The following SLC14A2 variants were observed in gnomAD, a reference collection of about 807,000 sequenced individuals.
The protein encoded by SLC14A2 is urea transporter 2.
In SLC14A2, 91 loss-of-function variants were observed where a neutral mutation model predicts 104.6. The observed-to-expected ratio is 0.87, with a 90% CI of 0.73 to 1.04. The LOEUF is 1.04. SLC14A2 is among the 50% of genes least tolerant of loss of function. SLC14A2 has a pLI of 0.00. For missense variants in SLC14A2, 1,189 were observed against 1,156.0 expected (o/e 1.03, Z -0.41); for synonymous variants, 476 against 466.4 (o/e 1.02, Z -0.27).
chr18:45,682,867 G>C lies in SLC14A2; in HGVS notation c.*348G>C. On this transcript the variant is annotated 3_prime_UTR_variant, in exon 20 of 20. Coordinates refer to ENST00000255226, the MANE Select transcript of SLC14A2 (RefSeq NM_007163.4). ...CCCAGCACTTTGGGAGGCCGAGGCG[G>C]GTGGATCACGAGGTCAGGAGATCGA... The C allele has an allele frequency of 4.0e-6, 1 of 250,334 alleles. No homozygotes were observed. Among genetic ancestry groups the C allele is most frequent in the Non-Finnish European group, 8.0e-6 (1 of 124,788 alleles). The allele number at this position is 250,334 out of a possible 1,614,324, so 15.5% of individuals were successfully genotyped here.
At chr18:45,649,015 C>CA (rs565659003) in intron 10 of SLC14A2, among the ~76,000 whole-genome samples, 1 of 151,916 alleles carries the variant, frequency 6.6e-6, no homozygotes, top group African/African-American at 2.4e-5. Context: ...ACTAAAAATA[C>CA]AAAAAAATTG....
intron 1 of SLC14A2, among the ~76,000 whole-genome samples, chr18:45,228,624 G>T (rs964485947): frequency 6.6e-6 from 1 of 152,074 alleles, no homozygotes; most frequent in Non-Finnish European, 1.5e-5. Flanking sequence ...TCTTAGTTAG[G>T]GGGTGGAAAG....
At chr18:45,259,949 T>C (rs2084518744) in intron 1 of SLC14A2, among the ~76,000 whole-genome samples, 3 of 152,146 alleles carry the variant, frequency 2.0e-5, no homozygotes, top group Admixed American at 1.3e-4. Flanking sequence ...TTCTCAGATA[T>C]GGTGCTAATG....
intron 1 of SLC14A2, among the ~76,000 whole-genome samples, chr18:45,225,669 GAGC>G (rs1402000112): frequency 2.6e-4 from 40 of 152,214 alleles, no homozygotes; most frequent in African/African-American, 8.7e-4. Context: ...TTATTTCGTT[GAGC>G]AGTGGTTTGT....
chr18:45,352,878 A>T (rs1022718406), intron 1 of SLC14A2, among the ~76,000 whole-genome samples: 12 of 152,218 alleles, frequency 7.9e-5, no homozygotes, highest in Non-Finnish European at 1.8e-4. Context: ...AGGAAACAGC[A>T]TCCCCCAGAA....
intron 2 of SLC14A2, among the ~76,000 whole-genome samples, chr18:45,588,964 G>A (rs1202939750): frequency 3.8e-5 from 2 of 52,372 alleles, no homozygotes; most frequent in Non-Finnish European, 8.7e-5. Flanking sequence ...TTTTGTTTGG[G>A]GTTGGTGGGT....
intron 1 of SLC14A2, among the ~76,000 whole-genome samples, chr18:45,482,825 G>C (rs2087521369): frequency 6.6e-6 from 1 of 152,166 alleles, no homozygotes; most frequent in Non-Finnish European, 1.5e-5. Flanking sequence ...AGAACACAAG[G>C]GGGTGGGGAT....
chr18:45,399,577 T>C (rs1412742556), intron 1 of SLC14A2, among the ~76,000 whole-genome samples: 1 of 152,198 alleles, frequency 6.6e-6, no homozygotes, highest in African/African-American at 2.4e-5. Flanking sequence ...CCTGGGAAAT[T>C]TCCTGGTAGT....
rs759135695 is a variant in SLC14A2 at position 45,353,059 on chromosome 18, C to T, written c.-124-130174C>T. Among the ~76,000 whole-genome samples, 13 of 152,286 alleles carry T rather than the reference C, an allele frequency of 8.5e-5. 1 individual carries two copies. The South Asian group carries it at 1.7e-3, about 19-fold the overall frequency. ...TACAGTCTGAACACTCAGCAGTCTA[C>T]GAGTGGTTGAAGTGTGGCTGCTGGG... is the stretch of plus-strand genomic sequence containing the variant. On this transcript the variant is annotated intron_variant, in intron 1 of 20. Transcript: ENST00000586448.
intron 2 of SLC14A2, among the ~76,000 whole-genome samples, chr18:45,546,401 C>T (rs528169755): frequency 7.2e-5 from 11 of 152,276 alleles, no homozygotes; most frequent in African/African-American, 2.2e-4. Context: ...TGCTGAATTC[C>T]GTGTGGAACT....
At chr18:45,334,505 A>C (rs1368225637) in intron 1 of SLC14A2, among the ~76,000 whole-genome samples, 2 of 152,100 alleles carry the variant, frequency 1.3e-5, no homozygotes, top group Non-Finnish European at 2.9e-5. Context: ...TAAGAAAGAA[A>C]GTTCTTAAGC....
chr18:45,347,861 C>T (rs1411764787), intron 1 of SLC14A2, among the ~76,000 whole-genome samples: 2 of 152,210 alleles, frequency 1.3e-5, no homozygotes, highest in Admixed American at 6.5e-5. Flanking sequence ...TTAGTGCTTA[C>T]ACCTCTATGT....
intron 2 of SLC14A2, among the ~76,000 whole-genome samples, chr18:45,603,041 CT>C (rs112733488): frequency 6.6e-6 from 1 of 152,022 alleles, no homozygotes; most frequent in Non-Finnish European, 1.5e-5. Context: ...AACAATTTTG[CT>C]TTTTTTTCAC....
intron 2 of SLC14A2, among the ~76,000 whole-genome samples, chr18:45,523,877 G>A (rs949619881): frequency 2.0e-5 from 3 of 152,236 alleles, no homozygotes; most frequent in Admixed American, 2.0e-4. Flanking sequence ...GCCTTTTACT[G>A]TTTAACCCTC....
chr18:45,433,364 C>T (rs955121999), intron 1 of SLC14A2, among the ~76,000 whole-genome samples: 3 of 152,314 alleles, frequency 2.0e-5, no homozygotes, highest in African/African-American at 2.4e-5. Context: ...AGCTTGCCTA[C>T]GTCCACTCTT....
At chr18:45,488,477 A>G (rs2087656303) in intron 2 of SLC14A2, among the ~76,000 whole-genome samples, 1 of 152,210 alleles carries the variant, frequency 6.6e-6, no homozygotes, top group Admixed American at 6.5e-5. Context: ...ATGGTCAGCC[A>G]TGGAAGTGGC....
intron 1 of SLC14A2, among the ~76,000 whole-genome samples, chr18:45,474,426 T>C (rs1478020709): frequency 6.6e-6 from 1 of 152,230 alleles, no homozygotes; most frequent in African/African-American, 2.4e-5. Flanking sequence ...CTTTTCCTAC[T>C]GTTTGGAATA....
At chr18:45,425,306 C>G (rs1453279882) in intron 1 of SLC14A2, among the ~76,000 whole-genome samples, 1 of 152,194 alleles carries the variant, frequency 6.6e-6, no homozygotes, top group Non-Finnish European at 1.5e-5. Context: ...ATTGTTAATT[C>G]TACATGGCAT....
chr18:45,320,510 C>T lies in SLC14A2; in HGVS notation c.-125+107319C>T, dbSNP rs192410759. On this transcript the variant is annotated intron_variant, in intron 1 of 20. Coordinates refer to the SLC14A2 transcript ENST00000586448. ...TCATGATGGTCTTTTTTGGCAAGAACGTCTTCTTGCTTTCCTGTAAATCGC... is the reference window on the plus strand; with the variant it reads ...TCATGATGGTCTTTTTTGGCAAGAATGTCTTCTTGCTTTCCTGTAAATCGC... Among the ~76,000 whole-genome samples the T allele has an allele frequency of 7.6e-4, 116 of 152,204 alleles. 1 individual carries two copies. The highest frequency in any genetic ancestry group is 1.4e-3 in the East Asian group (7 of 5,168).
Sources: gnomAD v4.1 joint callset for allele counts (sites outside exome capture counted in the v4.1 genomes callset) on GRCh38, gnomAD v4.1.1 for gene constraint, MANE v1.5 for transcripts, NCBI Gene and HGNC (gene_info 2026-07-23, HGNC 2026-07-21) for gene names.